The following PPME1 variants were observed in gnomAD, a reference collection of about 807,000 sequenced individuals.
PPME1 encodes the protein testicular secretory protein Li 39.
Under a neutral mutation model 56.9 loss-of-function variants are expected in PPME1, and 17 were observed. The observed-to-expected ratio is 0.30, with a 90% CI of 0.20 to 0.45. PPME1 has a LOEUF of 0.45. Among genes scored for constraint, PPME1 ranks in the 20% least tolerant of loss-of-function variants. The pLI, the probability that PPME1 is intolerant of heterozygous loss-of-function variation, is 1.00. For synonymous variants in PPME1, 122 were observed against 156.2 expected (o/e 0.78, Z 1.63); for missense variants, 357 against 483.2 (o/e 0.74, Z 2.45).
At chr11:74,241,409 T>C (rs1308541423) in intron 9 of PPME1, among the ~76,000 whole-genome samples, 2 of 152,254 alleles carry the variant, frequency 1.3e-5, no homozygotes, top group African/African-American at 4.8e-5. Flanking sequence ...TTTGGGTTGT[T>C]TCCACTTTTT....
At chr11:74,212,649 T>G (rs1858510453) in intron 3 of PPME1, among the ~76,000 whole-genome samples, 2 of 152,108 alleles carry the variant, frequency 1.3e-5, no homozygotes, top group African/African-American at 4.8e-5. Context: ...ATCTTGCAAC[T>G]TGGATACCAG....
At chr11:74,222,024 TG>T (rs1313430988) in intron 3 of PPME1, among the ~76,000 whole-genome samples, 1 of 152,174 alleles carries the variant, frequency 6.6e-6, no homozygotes. Context: ...AGAGGGTCAT[TG>T]TCTAAAGGCT....
Position 74,225,245 on chromosome 11 carries a change from A to G in PPME1, c.387A>G (p.Glu129=). The part of the protein sequence containing the change: ...KVKNPEDLSA[E]TMAKDVGNVV... ...AGAATCCTGAAGATCTGTCTGCAGA[A>G]ACAATGGCAAAGTAAGTAACCAAAT... The change falls in exon 5 of 14, where the codon GAA becomes GAG. Residue 129 remains glutamate, a synonymous_variant. Coordinates refer to ENST00000328257, the MANE Select transcript of PPME1 (RefSeq NM_016147.3). 1 of 1,568,394 alleles carries G rather than the reference A, an allele frequency of 6.4e-7. No homozygotes were observed. The highest frequency in any genetic ancestry group is 1.2e-5 in the South Asian group (1 of 84,742).
intron 1 of PPME1, among the ~76,000 whole-genome samples, chr11:74,187,059 A>G: frequency 6.6e-6 from 1 of 152,336 alleles, no homozygotes; most frequent in South Asian, 2.1e-4. Context: ...TTGACCATAA[A>G]TGTATGTGTT....
At chr11:74,243,208 A>G (rs1293773564) in intron 9 of PPME1, among the ~76,000 whole-genome samples, 1 of 152,150 alleles carries the variant, frequency 6.6e-6, no homozygotes, top group Non-Finnish European at 1.5e-5. Context: ...TCTAATAGGC[A>G]TCTAAACTAA....
chr11:74,171,303 G>T lies in PPME1; in HGVS notation c.-119G>T. 1 of 1,508,532 alleles carries T rather than the reference G, an allele frequency of 6.6e-7. No individual in the cohort carries two copies. Among genetic ancestry groups the T allele is most frequent in the Non-Finnish European group, 8.9e-7 (1 of 1,128,744 alleles). The allele number at this position is 1,508,532 out of a possible 1,614,324, so 93.4% of individuals were successfully genotyped here. On this transcript the variant is annotated 5_prime_UTR_variant, in exon 1 of 14. Coordinates refer to ENST00000328257, the MANE Select transcript of PPME1 (RefSeq NM_016147.3). ...CGGTAGGCGGTGCTACGGGTAGCTG[G>T]GTGCTGTCCAAAGGCGACAGGGCGT...
intron 7 of PPME1, among the ~76,000 whole-genome samples, chr11:74,234,702 A>C (rs1208886862): frequency 6.6e-6 from 1 of 152,252 alleles, no homozygotes; most frequent in Non-Finnish European, 1.5e-5. Flanking sequence ...GAGGTGACAA[A>C]GTAGAGAAAG....
At chr11:74,201,381 C>T (rs1351081180) in intron 1 of PPME1, among the ~76,000 whole-genome samples, 1 of 152,048 alleles carries the variant, frequency 6.6e-6, no homozygotes, top group African/African-American at 2.4e-5. Flanking sequence ...TAACTGGTAC[C>T]TGGCTAACTT....
intron 1 of PPME1, among the ~76,000 whole-genome samples, chr11:74,196,607 G>A (rs1024752252): frequency 2.2e-4 from 33 of 152,080 alleles, no homozygotes; most frequent in Non-Finnish European, 1.5e-5. Flanking sequence ...AAAGAATTCA[G>A]GGCGAGTCCA....
At chr11:74,186,263 T>G (rs75476774) in intron 1 of PPME1, among the ~76,000 whole-genome samples, 3,987 of 152,300 alleles carry the variant, frequency 0.026, 172 homozygotes, top group African/African-American at 0.09. Context: ...TTCTAAACCT[T>G]GACTTTGTTC....
At chr11:74,177,095 G>A (rs917891213) in intron 1 of PPME1, among the ~76,000 whole-genome samples, 1 of 151,862 alleles carries the variant, frequency 6.6e-6, no homozygotes, top group South Asian at 2.1e-4. Flanking sequence ...TTATCCAAAG[G>A]CTATCTAGTT....
At chr11:74,179,233 C>A (rs1181615919) in intron 1 of PPME1, among the ~76,000 whole-genome samples, 1 of 152,192 alleles carries the variant, frequency 6.6e-6, no homozygotes, top group African/African-American at 2.4e-5. Flanking sequence ...TCTTCCTGGG[C>A]CTCGTTATCA....
intron 1 of PPME1, among the ~76,000 whole-genome samples, chr11:74,175,649 G>A (rs371375524): frequency 1.3e-5 from 2 of 151,956 alleles, no homozygotes; most frequent in Non-Finnish European, 2.9e-5. Context: ...CCTCAAACTC[G>A]TGGGCTCAAG....
Position 74,251,949 on chromosome 11 carries a change from A to C in PPME1, c.1142+234A>C, listed in dbSNP as rs532390148. The C allele has an allele frequency of 9.8e-6, 7 of 711,526 alleles. No individual in the cohort carries two copies. In the East Asian group the frequency reaches 1.4e-4, roughly 14 times the overall value. The allele number at this position is 711,526 out of a possible 1,614,324, so 44.1% of individuals were successfully genotyped here. ...CTGAGGCTGTGATTAAATTGTGCCT[A>C]GTCTCACTCCCCACTGTGATGTGCA... is the stretch of plus-strand genomic sequence containing the variant. On this transcript the variant is annotated intron_variant, in intron 13 of 13. Transcript: ENST00000328257.
At chr11:74,214,579 A>G (rs1277123248) in intron 3 of PPME1, among the ~76,000 whole-genome samples, 1 of 152,182 alleles carries the variant, frequency 6.6e-6, no homozygotes, top group East Asian at 1.9e-4. Flanking sequence ...AGAAAGAGAA[A>G]AGAAACAAAT....
chr11:74,212,737 A>C (rs1259262314), intron 3 of PPME1, among the ~76,000 whole-genome samples: 1 of 152,118 alleles, frequency 6.6e-6, no homozygotes, highest in Non-Finnish European at 1.5e-5. Context: ...AGCATGACAC[A>C]TACTGAGCTA....
chr11:74,254,022 G>C lies in PPME1; in HGVS notation c.*512G>C, dbSNP rs541610236. The C allele has an allele frequency of 2.6e-5, 4 of 156,304 alleles. No homozygotes were observed. The highest frequency in any genetic ancestry group is 9.6e-5 in the African/African-American group (4 of 41,650). 9.7% of individuals were successfully genotyped at this position (156,304 alleles called of 1,614,324 possible). The stretch of plus-strand genomic sequence containing the variant: ...TCCCAGTCGTACTCTTCCAGGTTTG[G>C]AAGACCCAGAGAGGCCAAGATCCCA... On this transcript the variant is annotated 3_prime_UTR_variant, in exon 14 of 14. Transcript: ENST00000328257.
intron 1 of PPME1, among the ~76,000 whole-genome samples, chr11:74,196,905 A>G (rs962946921): frequency 2.0e-5 from 3 of 152,234 alleles, no homozygotes; most frequent in Admixed American, 2.0e-4. Flanking sequence ...GGGTCTGTTT[A>G]GTAAACATTA....
intron 1 of PPME1, among the ~76,000 whole-genome samples, chr11:74,191,578 C>T (rs889869474): frequency 1.3e-4 from 20 of 152,178 alleles, no homozygotes; most frequent in African/African-American, 4.8e-4. Flanking sequence ...GGTCCAGAGA[C>T]CTAGGAGGAG....
Sources: allele counts gnomAD v4.1 joint callset (sites outside exome capture counted in the v4.1 genomes callset), GRCh38; gene constraint gnomAD v4.1.1; transcripts MANE v1.5; gene names NCBI Gene and HGNC (gene_info 2026-07-23, HGNC 2026-07-21).